The following PLS3 variants were observed in gnomAD, a reference collection of about 807,000 sequenced individuals.
PLS3 encodes plastin 3.
PLS3 carries 11 observed loss-of-function variants against 46.5 expected under a neutral mutation model. The ratio of observed to expected loss-of-function variants is 0.24; its 90% CI spans 0.15 to 0.39. PLS3 has a LOEUF of 0.39. Ranked by LOEUF, PLS3 falls within the 10% of genes least tolerant of loss-of-function variation. The pLI is 1.00. For missense variants in PLS3, 308 were observed against 461.8 expected (o/e 0.67, Z 3.05); for synonymous variants, 167 against 162.2 (o/e 1.03, Z -0.22).
intron 1 of PLS3, among the ~76,000 whole-genome samples, chrX:115,573,093 C>CAAAA: frequency 3.3e-5 from 1 of 30,238 alleles, no homozygotes; most frequent in Non-Finnish European, 7.5e-5. Flanking sequence ...GACTCCGTCT[C>CAAAA]AAAAAAAAAA....
chrX:115,598,856 A>G (rs1427129331), intron 1 of PLS3, among the ~76,000 whole-genome samples: 1 of 111,711 alleles, frequency 9.0e-6, no homozygotes, highest in African/African-American at 3.2e-5. Context: ...TGCCTGTTTT[A>G]TGATCAGTGC....
At chrX:115,588,055 C>T (rs2074321703) in intron 1 of PLS3, among the ~76,000 whole-genome samples, 1 of 112,263 alleles carries the variant, frequency 8.9e-6, no homozygotes, top group South Asian at 3.7e-4. Flanking sequence ...GGAAGACCCA[C>T]ATAACTTACT....
intron 1 of PLS3, among the ~76,000 whole-genome samples, chrX:115,585,969 C>A (rs1299805100): frequency 1.8e-5 from 2 of 110,233 alleles, no homozygotes; most frequent in Non-Finnish European, 3.8e-5. Context: ...AAATTCTTAA[C>A]CGCTTATCAG....
chrX:115,562,263 G>A (rs1192760670), intron 1 of PLS3: 3 of 112,389 alleles, frequency 2.7e-5, no homozygotes, highest in Admixed American at 1.9e-4. Context: ...CAGTCCCAAA[G>A]TTGCTGCCGC....
intron 1 of PLS3, among the ~76,000 whole-genome samples, chrX:115,606,602 T>C (rs1239155579): frequency 9.0e-6 from 1 of 111,478 alleles, no homozygotes; most frequent in Non-Finnish European, 1.9e-5. Context: ...CCACATGTTT[T>C]AGATTTCTGA....
At chrX:115,615,448 C>CT (rs1433001595) in intron 2 of PLS3, among the ~76,000 whole-genome samples, 2 of 98,724 alleles carry the variant, frequency 2.0e-5, no homozygotes, top group Non-Finnish European at 4.0e-5. Context: ...ATGAGATTTC[C>CT]TTTAAAACAA....
chrX:115,610,082 G>C (rs2074533515), intron 1 of PLS3, among the ~76,000 whole-genome samples, 161 bp from the exon 2 acceptor site: 1 of 111,810 alleles, frequency 8.9e-6, no homozygotes, highest in Non-Finnish European at 1.9e-5. Flanking sequence ...CTTCTCATTT[G>C]TTTTCTTTAT....
chrX:115,634,223 G>T (rs2074807112), intron 6 of PLS3, 142 bp downstream of exon 6: 1 of 444,369 alleles, frequency 2.3e-6, no homozygotes, highest in African/African-American at 2.5e-5. Context: ...AGATTATACA[G>T]ACAGAACTGG....
chrX:115,582,234 T>C (rs782200520), intron 1 of PLS3, among the ~76,000 whole-genome samples: 1 of 112,138 alleles, frequency 8.9e-6, no homozygotes, highest in Non-Finnish European at 1.9e-5. Context: ...GGTAATAAGC[T>C]GGGAGAGGGA....
chrX:115,649,667 GGA>G lies in PLS3; in HGVS notation c.*107_*108del. ...CTTAAGGAACTCTTGGCCATTCAAA[GGA>G]CTTTTCATTTTGATTAACAGGACTA... is the stretch of plus-strand genomic sequence containing the variant. On this transcript the variant is annotated 3_prime_UTR_variant, in exon 16 of 16. Transcript: ENST00000355899. 1 of 752,771 alleles carries G rather than the reference GGA, an allele frequency of 1.3e-6. No homozygotes were observed. Among genetic ancestry groups the G allele is most frequent in the Admixed American group, 2.9e-5 (1 of 34,057 alleles). The allele number at this position is 752,771 out of a possible 1,213,427, so 62.0% of individuals were successfully genotyped here.
At chrX:115,641,950 CCCA>C (rs782397330) in intron 9 of PLS3, among the ~76,000 whole-genome samples, 1 of 110,051 alleles carries the variant, frequency 9.1e-6, no homozygotes, top group Non-Finnish European at 1.9e-5. Context: ...AACCTTCCTT[CCCA>C]CCACCACCCA....
At chrX:115,638,500 C>T (rs1477935574) in intron 8 of PLS3, among the ~76,000 whole-genome samples, 1 of 110,445 alleles carries the variant, frequency 9.1e-6, no homozygotes, top group Non-Finnish European at 1.9e-5. Flanking sequence ...CCACCTCGGC[C>T]TCCTAAAATG....
intron 11 of PLS3, among the ~76,000 whole-genome samples, chrX:115,645,366 G>C (rs782247824): frequency 1.8e-5 from 2 of 111,035 alleles, no homozygotes; most frequent in East Asian, 5.7e-4. Flanking sequence ...CAGCTGTTTG[G>C]GAGGTTGAGG....
chrX:115,591,769 A>C (rs1556633154), intron 1 of PLS3, among the ~76,000 whole-genome samples: 1 of 112,517 alleles, frequency 8.9e-6, no homozygotes, highest in Non-Finnish European at 1.9e-5. Context: ...GACAGGCCAC[A>C]GGCAGATAGT....
At chrX:115,632,085 T>C (rs373477694) in intron 5 of PLS3, among the ~76,000 whole-genome samples, 1 of 111,400 alleles carries the variant, frequency 9.0e-6, no homozygotes, top group South Asian at 3.9e-4. Context: ...ATTACAGGCA[T>C]GAGCCACCGT....
chrX:115,573,225 C>T (rs1282268967), intron 1 of PLS3, among the ~76,000 whole-genome samples: 4 of 110,875 alleles, frequency 3.6e-5, no homozygotes, highest in Admixed American at 2.9e-4. Flanking sequence ...CACTTATAAC[C>T]CAATATAATC....
At chrX:115,597,491 G>T (rs1310825006) in intron 1 of PLS3, among the ~76,000 whole-genome samples, 4 of 111,623 alleles carry the variant, frequency 3.6e-5, no homozygotes, top group Non-Finnish European at 7.5e-5. Flanking sequence ...ACTTGGAGTT[G>T]GATAAAGGGT....
chrX:115,599,345 A>T (rs1333346659), intron 1 of PLS3, among the ~76,000 whole-genome samples: 5 of 105,048 alleles, frequency 4.8e-5, no homozygotes, highest in Non-Finnish European at 7.7e-5. Flanking sequence ...ACAAAAAAAA[A>T]AAAAAAAAAG....
intron 1 of PLS3, among the ~76,000 whole-genome samples, chrX:115,587,400 G>A (rs1353712720): frequency 3.6e-5 from 4 of 112,038 alleles, no homozygotes; most frequent in Non-Finnish European, 7.5e-5. Context: ...AAGCACTTGC[G>A]CAGCTGTTTG....
Sources: gnomAD v4.1 joint callset for allele counts (sites outside exome capture counted in the v4.1 genomes callset) on GRCh38, gnomAD v4.1.1 for gene constraint, MANE v1.5 for transcripts, NCBI Gene and HGNC (gene_info 2026-07-23, HGNC 2026-07-21) for gene names.